Variants in KIF4A observed in about 807,000 individuals in gnomAD.
KIF4A encodes the protein kinesin family member 4A.
In KIF4A, 7 loss-of-function variants were observed where a neutral mutation model predicts 105.9. The ratio of observed to expected loss-of-function variants is 0.07; its 90% CI spans 0.04 to 0.12. The LOEUF (loss-of-function observed/expected upper bound fraction) is 0.12. Among genes scored for constraint, KIF4A ranks in the 10% least tolerant of loss-of-function variants. KIF4A has a pLI of 1.00. For synonymous variants in KIF4A, 281 were observed against 331.3 expected, an observed-to-expected ratio of 0.85 and a Z score of 1.65; for missense variants, 558 against 929.2, an observed-to-expected ratio of 0.60 and a Z score of 5.19.
At chrX:70,392,743 T>C (rs1472475134) in intron 20 of KIF4A, among the ~76,000 whole-genome samples, 1 of 109,356 alleles carries the variant, frequency 9.1e-6, no homozygotes, top group Non-Finnish European at 1.9e-5. Flanking sequence ...CTCATTCTTA[T>C]AATAGGTAAA....
At chrX:70,342,622 A>G (rs2085976639) in intron 11 of KIF4A, among the ~76,000 whole-genome samples, 3 of 112,414 alleles carry the variant, frequency 2.7e-5, no homozygotes, top group Admixed American at 1.9e-4. Context: ...TCTGTAATGT[A>G]TACACCTTCA....
In KIF4A at chrX:70,367,062, A is replaced by T. The variant is rs1295147827; in HGVS notation, c.1675-7089A>T. ...TTTAAAGTCTGTTTTATCCAAGACT[A>T]GGATTCCAACCCTTGCCTTTTTTTG... On this transcript the variant is annotated intron_variant, in intron 15 of 30. Transcript: ENST00000374403. 8.1e-5 allele frequency among the ~76,000 whole-genome samples: 9 copies of T among 111,614 alleles called. No homozygotes were observed. In the East Asian group the frequency reaches 2.0e-3, roughly 24 times the overall value.
At chrX:70,295,280 A>G (rs972049265) in intron 3 of KIF4A, among the ~76,000 whole-genome samples, 1 of 109,959 alleles carries the variant, frequency 9.1e-6, no homozygotes, top group Non-Finnish European at 1.9e-5. Flanking sequence ...GGTTCAAGCA[A>G]TTCTCCTGCC....
chrX:70,372,201 G>T lies in KIF4A; in HGVS notation c.1675-1950G>T, dbSNP rs1433701545. On this transcript the variant is annotated intron_variant, in intron 15 of 30. Transcript: ENST00000374403. The stretch of plus-strand genomic sequence containing the variant: ...GGGGCTCCTCACGTCCCAGACGATG[G>T]GCGGCCAGGCAGAGACGCTCCTCAC... Among the ~76,000 whole-genome samples, 6 of 110,335 alleles carry T rather than the reference G, an allele frequency of 5.4e-5. No individual in the cohort carries two copies. In the South Asian group the frequency reaches 2.0e-3, roughly 36 times the overall value.
intron 27 of KIF4A, 110 bp downstream of exon 27, chrX:70,406,464 C>T (rs1246101542): frequency 1.2e-5 from 7 of 573,259 alleles, no homozygotes; most frequent in Non-Finnish European, 2.0e-5. Context: ...ATTCTAGCAT[C>T]TCACTTTTCT....
rs1484297789 is a variant in KIF4A, at chrX:70,371,635, C to T, written c.1675-2516C>T. On this transcript the variant is annotated intron_variant, in intron 15 of 30. Coordinates refer to ENST00000374403, the MANE Select transcript of KIF4A (RefSeq NM_012310.5). Reference sequence around the variant, plus strand: ...CCCCCCACCTCCCTCCCGGATGGGGCGGCTGGCCAGGTGGGGGGCTGACCC... The same window carrying T: ...CCCCCCACCTCCCTCCCGGATGGGGTGGCTGGCCAGGTGGGGGGCTGACCC... Among the ~76,000 whole-genome samples, 13 of 105,416 alleles carry T rather than the reference C, an allele frequency of 1.2e-4. 1 individual carries two copies. Among genetic ancestry groups the T allele is most frequent in the South Asian group, 8.7e-4 (2 of 2,286 alleles). 91.5% of individuals were successfully genotyped at this position (105,416 alleles called of 115,157 possible).
chrX:70,333,735 A>G, intron 10 of KIF4A, 46 bp downstream of exon 10: 5 of 898,870 alleles, frequency 5.6e-6, no homozygotes, highest in Non-Finnish European at 6.5e-6. Flanking sequence ...AATAGAGGCT[A>G]TTTTTCCTAA....
In KIF4A at chrX:70,333,361, G is replaced by A. The variant is rs1031370954; in HGVS notation, c.1072-267G>A. 5.5e-5 allele frequency among the ~76,000 whole-genome samples: 6 copies of A among 109,606 alleles called. No individual in the cohort carries two copies. In the Admixed American group the frequency reaches 5.8e-4, roughly 11 times the overall value. On this transcript the variant is annotated intron_variant, in intron 9 of 30. Transcript: ENST00000374403. ...AAAAGAAAAGAAAAAAGAAAAATAGGTGCTCAGTAAAAACTCATTAAGATG... is the reference window on the plus strand; with the variant it reads ...AAAAGAAAAGAAAAAAGAAAAATAGATGCTCAGTAAAAACTCATTAAGATG...
intron 15 of KIF4A, among the ~76,000 whole-genome samples, chrX:70,364,176 G>C (rs1001492349): frequency 5.4e-5 from 6 of 111,568 alleles, no homozygotes; most frequent in Non-Finnish European, 9.4e-5. Flanking sequence ...AAAATTTTCT[G>C]CCATTCTGTA....
intron 28 of KIF4A, among the ~76,000 whole-genome samples, chrX:70,413,054 T>G (rs1359372132): frequency 8.9e-6 from 1 of 112,549 alleles, no homozygotes; most frequent in Non-Finnish European, 1.9e-5. Flanking sequence ...CCCAGTAATT[T>G]TACACATACA....
chrX:70,345,004 A>G lies in KIF4A; in HGVS notation c.1431+1022A>G, dbSNP rs751446228. The stretch of plus-strand genomic sequence containing the variant: ...AAGCTATCATGAGCAGTCCAAGATG[A>G]CAGCTCATTTATCCAACAAACAGGG... On this transcript the variant is annotated intron_variant, in intron 13 of 30. Coordinates refer to ENST00000374403, the MANE Select transcript of KIF4A (RefSeq NM_012310.5). Among the ~76,000 whole-genome samples the G allele has an allele frequency of 2.7e-5, 3 of 112,232 alleles. No homozygotes were observed. The East Asian group carries it at 8.4e-4, about 31-fold the overall frequency.
rs189482376 is a variant in KIF4A, at chrX:70,303,863, C to T, written c.778+1465C>T. Reference sequence around the variant, plus strand: ...CCCCATATTCATTAGCAGTCACTCCCCATTCCCACCCCTTTCCCTGGCCCT... The same window carrying T: ...CCCCATATTCATTAGCAGTCACTCCTCATTCCCACCCCTTTCCCTGGCCCT... On this transcript the variant is annotated intron_variant, in intron 7 of 30. Transcript: ENST00000374403. Among the ~76,000 whole-genome samples the T allele has an allele frequency of 9.5e-3, 1,045 of 109,938 alleles. 11 individuals carry two copies. The highest frequency in any genetic ancestry group is 0.033 in the African/African-American group (993 of 30,315).
intron 24 of KIF4A, 27 bp downstream of exon 24, chrX:70,404,061 T>TG: frequency 8.3e-7 from 1 of 1,198,359 alleles, no homozygotes; most frequent in African/African-American, 1.7e-5. Context: ...CAAGAAGCTA[T>TG]ACTGTGAAAC....
chrX:70,411,374 A>C (rs1266913441), intron 28 of KIF4A, among the ~76,000 whole-genome samples: 1 of 110,910 alleles, frequency 9.0e-6, no homozygotes, highest in Non-Finnish European at 1.9e-5. Context: ...AGCATTAAAT[A>C]TAGGACTAGA....
At chrX:70,387,376 T>C in intron 20 of KIF4A, 79 bp downstream of exon 20, 2 of 720,358 alleles carry the variant, frequency 2.8e-6, no homozygotes, top group Non-Finnish European at 4.0e-6. Context: ...TTTTTTTTCC[T>C]TTTTTTAGAA....
intron 15 of KIF4A, among the ~76,000 whole-genome samples, chrX:70,358,220 C>T (rs765018908): frequency 3.7e-4 from 41 of 111,410 alleles, no homozygotes; most frequent in African/African-American, 1.1e-3. Flanking sequence ...CTTCTTTTCT[C>T]GTTTATTGTG....
At chrX:70,310,346 T>TGC (rs1354472382) in intron 7 of KIF4A, among the ~76,000 whole-genome samples, 22 of 106,045 alleles carry the variant, frequency 2.1e-4, no homozygotes, top group African/African-American at 7.7e-4. Flanking sequence ...TGTGTGTGTG[T>TGC]GTGCCTGGAT....
intron 7 of KIF4A, among the ~76,000 whole-genome samples, chrX:70,306,472 A>C (rs1429846584): frequency 8.9e-6 from 1 of 112,500 alleles, no homozygotes; most frequent in Non-Finnish European, 1.9e-5. Context: ...TAAGTCTTTC[A>C]ATGTATGAAC....
intron 7 of KIF4A, among the ~76,000 whole-genome samples, chrX:70,316,124 A>G (rs193132155): frequency 2.8e-4 from 31 of 111,829 alleles, no homozygotes; most frequent in Middle Eastern, 4.6e-3. Context: ...TCAACTTACT[A>G]TCTTCCCAAA....
Sources: gnomAD v4.1 joint callset for allele counts (sites outside exome capture counted in the v4.1 genomes callset) on GRCh38, gnomAD v4.1.1 for gene constraint, MANE v1.5 for transcripts, NCBI Gene and HGNC (gene_info 2026-07-23, HGNC 2026-07-21) for gene names.